The following GPC5 variants were observed in gnomAD, a reference collection of about 807,000 sequenced individuals.
The protein encoded by GPC5 is glypican-5.
A neutral mutation model predicts 53.9 loss-of-function variants in GPC5; 47 were observed. That is an observed-to-expected ratio of 0.87 (90% CI 0.69 to 1.11). The LOEUF (loss-of-function observed/expected upper bound fraction) is 1.11. Ranked by LOEUF, GPC5 falls within the 50% of genes most tolerant of loss-of-function variation. GPC5 has a pLI of 0.00. For synonymous variants in GPC5, 286 were observed against 263.3 expected (o/e 1.09, Z -0.84); for missense variants, 748 against 713.1 (o/e 1.05, Z -0.56).
intron 6 of GPC5, among the ~76,000 whole-genome samples, chr13:92,131,509 C>A (rs1301527795): frequency 6.6e-6 from 1 of 151,862 alleles, no homozygotes; most frequent in African/African-American, 2.4e-5. Flanking sequence ...AAAGTATGAA[C>A]TATAGGTATA....
intron 7 of GPC5, among the ~76,000 whole-genome samples, chr13:92,640,744 G>A (rs1885568719): frequency 6.6e-6 from 1 of 152,108 alleles, no homozygotes; most frequent in African/African-American, 2.4e-5. Flanking sequence ...ATAGCTTGAA[G>A]GGGTTCCCAC....
intron 6 of GPC5, among the ~76,000 whole-genome samples, chr13:91,946,109 T>A (rs1253751371): frequency 2.0e-5 from 3 of 152,242 alleles, no homozygotes; most frequent in African/African-American, 7.2e-5. Context: ...ACCTTCTGTT[T>A]TTTATGCTAT....
At chr13:92,428,948 G>A (rs991055376) in intron 7 of GPC5, among the ~76,000 whole-genome samples, 11 of 151,978 alleles carry the variant, frequency 7.2e-5, no homozygotes, top group Non-Finnish European at 1.3e-4. Flanking sequence ...AATCTGTGAC[G>A]AAAGAATAAA....
At position 92,318,499 on chromosome 13, in the gene GPC5, T is replaced by C. The variant is rs542673280; in HGVS notation, c.1561+173510T>C. ...TAGGAAGCTGTGATTTTTGTGTATG[T>C]ATTGCCTTTGCTTTTATTATAAATT... On this transcript the variant is annotated intron_variant, in intron 7 of 7. Transcript: ENST00000377067. Among the ~76,000 whole-genome samples, 11 of 152,328 alleles carry C rather than the reference T, an allele frequency of 7.2e-5. No individual in the cohort carries two copies. The South Asian group carries it at 1.9e-3, about 26-fold the overall frequency.
chr13:92,344,085 T>C (rs954289907), intron 7 of GPC5, among the ~76,000 whole-genome samples: 1 of 152,006 alleles, frequency 6.6e-6, no homozygotes, highest in Admixed American at 6.6e-5. Context: ...TTCTAAGGTT[T>C]CTAGAAATAC....
Position 91,907,694 on chromosome 13 carries a change from G to T in GPC5, c.1281-243G>T, listed in dbSNP as rs114149194. ...ATTGTTAAGTAGTATCAAAAAACAA[G>T]TAATTTCTGGTTGGGTCCATTGAGT... is the stretch of plus-strand genomic sequence containing the variant. On this transcript the variant is annotated intron_variant, in intron 5 of 7. Coordinates refer to ENST00000377067, the MANE Select transcript of GPC5 (RefSeq NM_004466.6). Among the ~76,000 whole-genome samples, 852 of 151,702 alleles carry T rather than the reference G, an allele frequency of 5.6e-3. 8 individuals are homozygous for T. The highest frequency in any genetic ancestry group is 0.02 in the African/African-American group (813 of 41,426).
intron 5 of GPC5, among the ~76,000 whole-genome samples, chr13:91,889,337 G>A (rs1193808699): frequency 6.6e-6 from 1 of 151,912 alleles, no homozygotes; most frequent in Non-Finnish European, 1.5e-5. Flanking sequence ...ACTATGGATG[G>A]GACAGTTTAA....
chr13:91,973,628 T>A (rs539874767), intron 6 of GPC5, among the ~76,000 whole-genome samples: 7 of 150,884 alleles, frequency 4.6e-5, no homozygotes, highest in South Asian at 2.1e-4. Context: ...ATGATGGTGA[T>A]GTACAGATGG....
chr13:92,033,203 G>T (rs2040867859), intron 6 of GPC5, among the ~76,000 whole-genome samples: 1 of 152,004 alleles, frequency 6.6e-6, no homozygotes, highest in Non-Finnish European at 1.5e-5. Flanking sequence ...ATTTGATTTT[G>T]TTCAAAATCT....
At chr13:91,476,319 GA>G in intron 2 of GPC5, among the ~76,000 whole-genome samples, 1 of 152,280 alleles carries the variant, frequency 6.6e-6, no homozygotes, top group Non-Finnish European at 1.5e-5. Context: ...ATCTTCGAAG[GA>G]GGGAATCACT....
At chr13:91,747,279 G>A (rs1369378290) in intron 4 of GPC5, among the ~76,000 whole-genome samples, 1 of 152,152 alleles carries the variant, frequency 6.6e-6, no homozygotes, top group Non-Finnish European at 1.5e-5. Flanking sequence ...AGGGTGGGTT[G>A]CATTCCCCTT....
At chr13:92,217,825 C>T (rs1290861941) in intron 7 of GPC5, among the ~76,000 whole-genome samples, 1 of 151,842 alleles carries the variant, frequency 6.6e-6, no homozygotes, top group Admixed American at 6.6e-5. Flanking sequence ...CATGCAGTTA[C>T]CCTAATATGC....
At chr13:92,656,247 T>C (rs546839840) in intron 7 of GPC5, among the ~76,000 whole-genome samples, 1 of 152,294 alleles carries the variant, frequency 6.6e-6, no homozygotes, top group African/African-American at 2.4e-5. Flanking sequence ...TAGGCCATTA[T>C]AGTTGACATT....
intron 7 of GPC5, among the ~76,000 whole-genome samples, chr13:92,545,931 C>A (rs1882094355): frequency 6.6e-6 from 1 of 152,212 alleles, no homozygotes; most frequent in Admixed American, 6.5e-5. Flanking sequence ...TTAATTAGAT[C>A]CCATTTGTCA....
At chr13:92,706,669 C>G (rs1845683369) in intron 7 of GPC5, among the ~76,000 whole-genome samples, 1 of 152,068 alleles carries the variant, frequency 6.6e-6, no homozygotes, top group Non-Finnish European at 1.5e-5. Context: ...ATGATATTAG[C>G]CTCCCCTGGT....
At chr13:91,687,949 C>A (rs2035657688) in intron 2 of GPC5, among the ~76,000 whole-genome samples, 1 of 152,042 alleles carries the variant, frequency 6.6e-6, no homozygotes, top group Non-Finnish European at 1.5e-5. Context: ...AATTGTTCAG[C>A]ACCTTACCTA....
At chr13:91,808,252 A>G (rs2038253808) in intron 5 of GPC5, among the ~76,000 whole-genome samples, 1 of 152,288 alleles carries the variant, frequency 6.6e-6, no homozygotes, top group Admixed American at 6.5e-5. Context: ...ATCACTTCAG[A>G]CATGATTGAA....
chr13:92,434,572 G>A (rs532647952), intron 7 of GPC5, among the ~76,000 whole-genome samples: 33 of 152,064 alleles, frequency 2.2e-4, no homozygotes, highest in African/African-American at 3.1e-4. Context: ...ATTACATCTC[G>A]TGATATCAGG....
chr13:92,332,507 G>A (rs1258452649), intron 7 of GPC5, among the ~76,000 whole-genome samples: 1 of 152,072 alleles, frequency 6.6e-6, no homozygotes, highest in Admixed American at 6.6e-5. Context: ...TCAATCCTTA[G>A]TTTTCACAAT....
Sources: gnomAD v4.1 joint callset for allele counts (sites outside exome capture counted in the v4.1 genomes callset) on GRCh38, gnomAD v4.1.1 for gene constraint, MANE v1.5 for transcripts, NCBI Gene and HGNC (gene_info 2026-07-23, HGNC 2026-07-21) for gene names.